The following PLXNA4 variants were observed in gnomAD, a reference collection of about 807,000 sequenced individuals.
PLXNA4 encodes the protein plexin-A4.
A neutral mutation model predicts 191.8 loss-of-function variants in PLXNA4; 44 were observed. The observed-to-expected ratio is 0.23, with a 90% CI of 0.18 to 0.29. PLXNA4 has a LOEUF of 0.29. PLXNA4 is among the 10% of genes least tolerant of loss of function. The pLI, the probability that PLXNA4 is intolerant of heterozygous loss-of-function variation, is 1.00. For synonymous variants in PLXNA4, 1,082 were observed against 1,009.5 expected (o/e 1.07, Z -1.36); for missense variants, 1,800 against 2,488.8 (o/e 0.72, Z 5.89).
intron 3 of PLXNA4, among the ~76,000 whole-genome samples, chr7:132,474,214 T>TCTCACACACACACA (rs1175360961): frequency 1.2e-4 from 17 of 140,300 alleles, no homozygotes; most frequent in African/African-American, 4.5e-4. Flanking sequence ...TCTCTCTGTC[T>TCTCACACACACACA]CACACACACA....
intron 3 of PLXNA4, among the ~76,000 whole-genome samples, chr7:132,439,715 C>T (rs931487186): frequency 1.3e-5 from 2 of 152,192 alleles, no homozygotes; most frequent in Non-Finnish European, 2.9e-5. Context: ...GAGGTTCGCA[C>T]AACAGGTGAC....
At chr7:132,613,347 A>T (rs1322556386) in intron 2 of PLXNA4, among the ~76,000 whole-genome samples, 2 of 152,110 alleles carry the variant, frequency 1.3e-5, no homozygotes, top group East Asian at 3.8e-4. Flanking sequence ...ATCTGAATAA[A>T]GCCACCCTCC....
intron 25 of PLXNA4, among the ~76,000 whole-genome samples, chr7:132,148,984 C>T (rs2671107): frequency 0.26 from 40,075 of 152,108 alleles, 12,328 homozygotes; most frequent in African/African-American, 0.75. Flanking sequence ...AAACACTAAG[C>T]TTTGACAAAG....
intron 22 of PLXNA4, 23 bp from the exon 23 acceptor site, chr7:132,165,223 C>A (rs1164980743): frequency 6.2e-7 from 1 of 1,608,242 alleles, no homozygotes; most frequent in Non-Finnish European, 8.5e-7. Flanking sequence ...ACCGAGGGAA[C>A]CAACGGAACA....
rs568037823 is a variant in PLXNA4, at chr7:132,364,641, T to A, written c.1372-66419A>T. Among the ~76,000 whole-genome samples the A allele has an allele frequency of 2.6e-5, 4 of 152,290 alleles. No homozygotes were observed. The South Asian group carries it at 6.2e-4, about 24-fold the overall frequency. On this transcript the variant is annotated intron_variant, in intron 3 of 31. Coordinates refer to ENST00000321063, the MANE Select transcript of PLXNA4 (RefSeq NM_020911.2). ...CCTGGACTGGACATTAGCAAAACCA[T>A]CCAAAACTATCAGGAATTTTCCTTA...
intron 2 of PLXNA4, among the ~76,000 whole-genome samples, chr7:132,608,972 C>T (rs1232905499): frequency 6.6e-6 from 1 of 152,214 alleles, no homozygotes. Context: ...GGAACTGCCA[C>T]CCCTGAGGCC....
intron 3 of PLXNA4, among the ~76,000 whole-genome samples, chr7:132,459,590 T>G (rs1796426321): frequency 6.6e-6 from 1 of 152,130 alleles, no homozygotes. Context: ...TCGGGCATTT[T>G]CAATTCATAT....
In PLXNA4 at chr7:132,429,954, G is replaced by T. The variant is rs534424750; in HGVS notation, c.1371+59338C>A. 3.0e-4 allele frequency among the ~76,000 whole-genome samples: 46 copies of T among 152,280 alleles called. No homozygotes were observed. The South Asian group carries it at 9.3e-3, about 31-fold the overall frequency. On this transcript the variant is annotated intron_variant, in intron 3 of 31. Coordinates refer to ENST00000321063, the MANE Select transcript of PLXNA4 (RefSeq NM_020911.2). ...TCCCCAGGAGCAGAGTGGGCAGCTG[G>T]ATGACAGCTTTCCCTAGATGGGCAA... is the stretch of plus-strand genomic sequence containing the variant.
chr7:132,335,726 G>A (rs892178095), intron 3 of PLXNA4, among the ~76,000 whole-genome samples: 4 of 152,206 alleles, frequency 2.6e-5, no homozygotes, highest in East Asian at 1.9e-4. Context: ...AGAGCTCTTC[G>A]AAGACAGGAA....
intron 17 of PLXNA4, among the ~76,000 whole-genome samples, chr7:132,181,839 T>C (rs1796718083): frequency 6.6e-6 from 1 of 152,136 alleles, no homozygotes; most frequent in African/African-American, 2.4e-5. Context: ...ATGGCTAGGA[T>C]TGGAAGAATG....
intron 25 of PLXNA4, among the ~76,000 whole-genome samples, chr7:132,149,459 C>T (rs1452658134): frequency 2.0e-5 from 3 of 152,160 alleles, no homozygotes; most frequent in Non-Finnish European, 2.9e-5. Context: ...ACATTCTTAT[C>T]TCGAAATGTA....
chr7:132,182,273 CAAT>C, intron 16 of PLXNA4, 83 bp from the exon 17 acceptor site: 1 of 1,560,834 alleles, frequency 6.4e-7, no homozygotes, highest in Non-Finnish European at 8.7e-7. Flanking sequence ...TGAGCTATGA[CAAT>C]AAGGACAGTG....
intron 2 of PLXNA4, among the ~76,000 whole-genome samples, chr7:132,499,858 G>A (rs1798177467): frequency 6.6e-6 from 1 of 152,280 alleles, no homozygotes; most frequent in Non-Finnish European, 1.5e-5. Flanking sequence ...AACACTGACG[G>A]AGACACAGTA....
intron 2 of PLXNA4, among the ~76,000 whole-genome samples, chr7:132,501,650 C>T (rs1798260430): frequency 6.6e-6 from 1 of 152,204 alleles, no homozygotes; most frequent in Non-Finnish European, 1.5e-5. Flanking sequence ...TTACTGCAAA[C>T]CCTGCTGGCC....
At chr7:132,509,751 G>A (rs1563142643) in intron 1 of PLXNA4, among the ~76,000 whole-genome samples, 1 of 152,144 alleles carries the variant, frequency 6.6e-6, no homozygotes, top group Non-Finnish European at 1.5e-5. Context: ...AGTTCTCTGT[G>A]TCTGTACCTA....
chr7:132,279,168 A>T (rs1208242299), intron 4 of PLXNA4, among the ~76,000 whole-genome samples: 1 of 152,194 alleles, frequency 6.6e-6, no homozygotes, highest in Non-Finnish European at 1.5e-5. Context: ...GTGCTTCCTG[A>T]CTGGTGAGTG....
chr7:132,290,822 A>C (rs1800858101), intron 4 of PLXNA4, among the ~76,000 whole-genome samples: 1 of 152,186 alleles, frequency 6.6e-6, no homozygotes, highest in Non-Finnish European at 1.5e-5. Flanking sequence ...GCAGAAGTGT[A>C]CCCGGAACAT....
At chr7:132,616,564 A>G (rs1803160177) in intron 2 of PLXNA4, among the ~76,000 whole-genome samples, 2 of 152,222 alleles carry the variant, frequency 1.3e-5, no homozygotes, top group Admixed American at 1.3e-4. Flanking sequence ...CCCAGTATAT[A>G]CATATTTATT....
At chr7:132,346,163 C>CTTG (rs1273028072) in intron 3 of PLXNA4, among the ~76,000 whole-genome samples, 2 of 152,176 alleles carry the variant, frequency 1.3e-5, no homozygotes, top group African/African-American at 4.8e-5. Flanking sequence ...ATCTGTGTGA[C>CTTG]TTTGGGCACT....
Sources: allele counts gnomAD v4.1 joint callset (sites outside exome capture counted in the v4.1 genomes callset), GRCh38; gene constraint gnomAD v4.1.1; transcripts MANE v1.5; gene names NCBI Gene and HGNC (gene_info 2026-07-23, HGNC 2026-07-21).